The following SART1 variants were observed in gnomAD, a reference collection of about 807,000 sequenced individuals.
The protein encoded by SART1 is U4/U6.U5 tri-snRNP-associated protein 1.
In SART1, 28 loss-of-function variants were observed where a neutral mutation model predicts 105.0. The observed-to-expected ratio is 0.27, with a 90% CI of 0.20 to 0.37. The LOEUF (loss-of-function observed/expected upper bound fraction) is 0.37, where lower values mean the gene tolerates loss of function less well. Among genes scored for constraint, SART1 ranks in the 10% least tolerant of loss-of-function variants. SART1 has a pLI of 1.00. For synonymous variants in SART1, 472 were observed against 462.9 expected, an observed-to-expected ratio of 1.02 and a Z score of -0.25; for missense variants, 894 against 1,106.5, an observed-to-expected ratio of 0.81 and a Z score of 2.72.
Position 65,976,336 on chromosome 11 carries a change from G to T in SART1, c.1573-59G>T. ...CCAGGGAGGACCCTTAGGTTCCTGG[G>T]TCTCAATGGCATCACCCCAGAAACT... On this transcript the variant is annotated intron_variant, in intron 12 of 19. Transcript: ENST00000312397. This position sits in a 1 kb window ranked among gnomAD's most constrained non-coding sequence, Gnocchi z 5.1. 6.9e-7 allele frequency: 1 copy of T among 1,455,520 alleles called. No homozygotes were observed. 90.2% of individuals were successfully genotyped at this position (1,455,520 alleles called of 1,614,324 possible). A position where few individuals can be genotyped will look rare whatever the true frequency, so the allele number is the denominator to read the frequency against.
chr11:65,976,706 C>G lies in SART1; in HGVS notation c.1797C>G (p.Asp599Glu). 1 of 1,613,500 alleles carries G rather than the reference C, an allele frequency of 6.2e-7. No individual in the cohort carries two copies. The highest frequency in any genetic ancestry group is 8.5e-7 in the Non-Finnish European group (1 of 1,179,864). ...CAGCCAACGGTGGCTCCGAATCTGACGGGGAGGAGAACATCGGCTGGAGCA... is the reference window on the plus strand; with the variant it reads ...CAGCCAACGGTGGCTCCGAATCTGAGGGGGAGGAGAACATCGGCTGGAGCA... ...ERSANGGSES[D>E]GEENIGWSTV... Residue 599 changes from aspartate (D) to glutamate (E), a missense_variant, in exon 14 of 20, where the codon GAC (aspartate) becomes GAG (glutamate). By Grantham distance (45) the Asp-to-Glu change is conservative (BLOSUM62 2). Around this residue, in one of 2 missense-constraint regions of SART1, gnomAD observed 182 missense variants for 328.3 expected, o/e 0.55. Transcript: ENST00000312397. The surrounding 1 kb of genome is among the most constrained non-coding windows in gnomAD (Gnocchi z 5.1).
intron 2 of SART1, 53 bp downstream of exon 2, chr11:65,964,184 G>A (rs1241035352): frequency 6.6e-7 from 1 of 1,506,280 alleles, no homozygotes; most frequent in Admixed American, 1.7e-5. Flanking sequence ...AGGTGGCTCT[G>A]GGGCCAGCAC....
chr11:65,969,068 C>CAGTTG (rs1855318277), intron 12 of SART1, among the ~76,000 whole-genome samples: 1 of 152,082 alleles, frequency 6.6e-6, no homozygotes, highest in South Asian at 2.1e-4. Context: ...AAAGTGGGGA[C>CAGTTG]AGTTGCAGTG....
chr11:65,974,198 TAAAAAAAAAAA>T (rs1168176073), intron 12 of SART1, among the ~76,000 whole-genome samples: 1 of 69,348 alleles, frequency 1.4e-5, no homozygotes, highest in Non-Finnish European at 2.6e-5. Flanking sequence ...CCCTCTCTAC[TAAAAAAAAAAA>T]AAAAAAAAAA....
chr11:65,963,939 G>A, intron 1 of SART1, 135 bp from the exon 2 acceptor site: 2 of 691,370 alleles, frequency 2.9e-6, no homozygotes, highest in Non-Finnish European at 5.0e-6. Context: ...GGTGGAAGAA[G>A]CTGCTGTTTT....
rs147934496 is a variant in SART1 at position 65,976,481 on chromosome 11, C to T, written c.1659C>T (p.Phe553=). The change falls in exon 13 of 20, where the codon TTC becomes TTT. Residue 553 remains phenylalanine (F), a synonymous_variant. Transcript: ENST00000312397. The surrounding 1 kb of genome is among the most constrained non-coding windows in gnomAD (Gnocchi z 5.1). Reference sequence around the variant, plus strand: ...CCGAGCGGAAGGGGGCCATCGTGTTCAACGCCACGTCCGAGTTCTGCCGCA... The same window carrying T: ...CCGAGCGGAAGGGGGCCATCGTGTTTAACGCCACGTCCGAGTTCTGCCGCA... ...EDPERKGAIV[F]NATSEFCRTL... 360 of 1,576,958 alleles carry T rather than the reference C, an allele frequency of 2.3e-4. 2 individuals are homozygous for T. The highest frequency in any genetic ancestry group is 1.2e-3 in the Admixed American group (68 of 54,722).
intron 7 of SART1, 43 bp from the exon 8 acceptor site, chr11:65,966,033 T>C: frequency 1.2e-6 from 2 of 1,613,724 alleles, no homozygotes; most frequent in Admixed American, 1.7e-5. Flanking sequence ...CTCTGCTGAG[T>C]TGCGGACAAG....
Position 65,978,268 on chromosome 11 carries a change from A to G in SART1, c.2173-332A>G. 1 of 482,700 alleles carries G rather than the reference A, an allele frequency of 2.1e-6. No individual in the cohort carries two copies. The highest frequency in any genetic ancestry group is 3.8e-6 in the Non-Finnish European group (1 of 265,528). The allele number at this position is 482,700 out of a possible 1,614,324, so 29.9% of individuals were successfully genotyped here. ...GGCCGCCCGACCGTCCTGCCCTACCACTCAGCTGCCCCCTTGCTCTCTGGG... is the reference window on the plus strand; with the variant it reads ...GGCCGCCCGACCGTCCTGCCCTACCGCTCAGCTGCCCCCTTGCTCTCTGGG... On this transcript the variant is annotated intron_variant, in intron 17 of 19. Transcript: ENST00000312397. The surrounding 1 kb of genome is among the most constrained non-coding windows in gnomAD (Gnocchi z 6.8).
Position 65,965,961 on chromosome 11 carries a change from AATG to A in SART1, c.816_818del (p.Met272del). 36 of 1,614,036 alleles carry A rather than the reference AATG, an allele frequency of 2.2e-5. No individual in the cohort carries two copies. Among genetic ancestry groups the A allele is most frequent in the Non-Finnish European group, 3.0e-5 (35 of 1,180,036 alleles). On this transcript the variant is annotated inframe_deletion, in exon 7 of 20. Transcript: ENST00000312397. ...TTGATTCCTTCCGAGAAGGGGAGAC[AATG>A]ATTCTTACCCTCAAGGACAAAGGTA...
intron 2 of SART1, 48 bp from the exon 3 acceptor site, chr11:65,964,467 C>T (rs1855207064): frequency 1.2e-6 from 2 of 1,600,522 alleles, no homozygotes; most frequent in East Asian, 2.2e-5. Flanking sequence ...ATGCACATGG[C>T]ACCCTGTGTC....
intron 12 of SART1, among the ~76,000 whole-genome samples, chr11:65,970,421 G>C (rs764144013): frequency 6.6e-6 from 1 of 152,208 alleles, no homozygotes; most frequent in Non-Finnish European, 1.5e-5. Flanking sequence ...AGATTCTAGA[G>C]TATGTGGGAG....
At chr11:65,973,162 AG>A (rs1486619434) in intron 12 of SART1, among the ~76,000 whole-genome samples, 1 of 152,194 alleles carries the variant, frequency 6.6e-6, no homozygotes, top group Non-Finnish European at 1.5e-5. Context: ...TGACAGAGCA[AG>A]ACTCCGTCTC....
chr11:65,968,721 C>T (rs1855311524), intron 12 of SART1, among the ~76,000 whole-genome samples: 1 of 152,044 alleles, frequency 6.6e-6, no homozygotes, highest in Non-Finnish European at 1.5e-5. Flanking sequence ...GAGAAGTGAC[C>T]TTAGAGTGCC....
At chr11:65,963,570 C>T (rs1164507864) in intron 1 of SART1, among the ~76,000 whole-genome samples, 3 of 152,108 alleles carry the variant, frequency 2.0e-5, no homozygotes, top group African/African-American at 7.2e-5. Context: ...CAAGCTCTGC[C>T]TCCTGGGTTC....
chr11:65,968,150 A>G (rs112567853), intron 12 of SART1, among the ~76,000 whole-genome samples: 1,791 of 152,028 alleles, frequency 0.012, 17 homozygotes, highest in Non-Finnish European at 0.019. Context: ...GGGTTTCACT[A>G]TGTTGGCCAG....
intron 1 of SART1, among the ~76,000 whole-genome samples, chr11:65,962,324 G>A (rs571578219): frequency 6.6e-6 from 1 of 152,354 alleles, no homozygotes; most frequent in South Asian, 2.1e-4. Flanking sequence ...GCGAGACTCT[G>A]TCTCAAAAAG....
intron 12 of SART1, among the ~76,000 whole-genome samples, chr11:65,969,159 T>G (rs1269651851): frequency 6.6e-6 from 1 of 152,162 alleles, no homozygotes; most frequent in African/African-American, 2.4e-5. Flanking sequence ...GTTGAAGGGC[T>G]GGAGAGGACG....
chr11:65,966,588 A>T, intron 9 of SART1, 32 bp downstream of exon 9: 3 of 1,461,632 alleles, frequency 2.1e-6, no homozygotes, highest in Non-Finnish European at 2.7e-6. Context: ...ACTCGGGGTC[A>T]AGATTCTCCC....
chr11:65,967,519 G>A lies in SART1; in HGVS notation c.1362G>A (p.Lys454=), dbSNP rs1354947579. 6.2e-7 allele frequency: 1 copy of A among 1,613,148 alleles called. No homozygotes were observed. Among genetic ancestry groups the A allele is most frequent in the South Asian group, 1.1e-5 (1 of 91,072 alleles). The part of the protein sequence containing the change: ...RRRVSEVEEE[K]EPVPQPLPSD... ...GAGTGTCCGAAGTGGAGGAGGAGAA[G>A]GAGCCTGTGCCTCAGCCCCTGCCGT... The change falls in exon 11 of 20, where the codon AAG becomes AAA. Residue 454 remains lysine, a synonymous_variant. Transcript: ENST00000312397.
Sources: gnomAD v4.1 joint callset for allele counts (sites outside exome capture counted in the v4.1 genomes callset) on GRCh38, gnomAD v4.1.1 for gene constraint, gnomAD v4.1.1 regional missense constraint, Gnocchi (gnomAD v3.1) non-coding constraint, MANE v1.5 for transcripts, NCBI Gene and HGNC (gene_info 2026-07-23, HGNC 2026-07-21) for gene names.